The following SLC2A9 variants were observed in gnomAD, a reference collection of about 807,000 sequenced individuals.
The protein encoded by SLC2A9 is solute carrier family 2, facilitated glucose transporter member 9.
SLC2A9 carries 39 observed loss-of-function variants against 50.6 expected under a neutral mutation model. The ratio of observed to expected loss-of-function variants is 0.77; its 90% CI spans 0.60 to 1.01. The LOEUF is 1.01. Ranked by LOEUF, SLC2A9 falls within the 50% of genes least tolerant of loss-of-function variation. The pLI, the probability that SLC2A9 is intolerant of heterozygous loss-of-function variation, is 0.00. For missense variants in SLC2A9, 686 were observed against 677.6 expected, an observed-to-expected ratio of 1.01 and a Z score of -0.14; for synonymous variants, 324 against 276.9, an observed-to-expected ratio of 1.17 and a Z score of -1.69.
At chr4:10,036,016 AG>A in intron 1 of SLC2A9, 1 of 205,468 alleles carries the variant, frequency 4.9e-6, no homozygotes, top group Non-Finnish European at 9.3e-6. Flanking sequence ...CCAGAATCCC[AG>A]GGTCTCCAGC....
chr4:9,842,185 G>A (rs1031099869), intron 10 of SLC2A9, among the ~76,000 whole-genome samples: 1 of 152,046 alleles, frequency 6.6e-6, no homozygotes, highest in African/African-American at 2.4e-5. Context: ...CAGGAGGAAG[G>A]TTCTGTAACA....
intron 2 of SLC2A9, among the ~76,000 whole-genome samples, chr4:10,016,058 T>C (rs750222022): frequency 6.6e-6 from 1 of 152,164 alleles, no homozygotes; most frequent in Non-Finnish European, 1.5e-5. Flanking sequence ...TCTGGGCTCC[T>C]CTAAAGTATG....
At chr4:10,005,540 G>C (rs1158130994) in intron 2 of SLC2A9, among the ~76,000 whole-genome samples, 1 of 152,244 alleles carries the variant, frequency 6.6e-6, no homozygotes, top group Admixed American at 6.5e-5. Flanking sequence ...GATTAGACTA[G>C]AGGATGCTAG....
At chr4:9,919,999 T>C (rs1414803378) in intron 7 of SLC2A9, among the ~76,000 whole-genome samples, 2 of 151,972 alleles carry the variant, frequency 1.3e-5, no homozygotes, top group Admixed American at 6.6e-5. Context: ...AAGTTGTGAG[T>C]TGAAGACAGC....
At chr4:10,009,043 A>G (rs1233108908) in intron 2 of SLC2A9, among the ~76,000 whole-genome samples, 1 of 152,132 alleles carries the variant, frequency 6.6e-6, no homozygotes, top group Non-Finnish European at 1.5e-5. Context: ...TTTCATAGAC[A>G]TAATTGCCCG....
At chr4:9,853,768 C>CA (rs1488029109) in intron 10 of SLC2A9, among the ~76,000 whole-genome samples, 2 of 152,002 alleles carry the variant, frequency 1.3e-5, no homozygotes, top group African/African-American at 2.4e-5. Context: ...AGCAAATTGA[C>CA]AAAAAAATAA....
At chr4:9,838,014 T>A (rs551782503) in intron 10 of SLC2A9, among the ~76,000 whole-genome samples, 1 of 152,358 alleles carries the variant, frequency 6.6e-6, no homozygotes, top group East Asian at 1.9e-4. Flanking sequence ...TGGGGATATT[T>A]GTGAGCATGA....
At chr4:9,962,471 A>G (rs1194052601) in intron 5 of SLC2A9, among the ~76,000 whole-genome samples, 3 of 152,218 alleles carry the variant, frequency 2.0e-5, no homozygotes, top group Non-Finnish European at 4.4e-5. Context: ...ACAGAAACAG[A>G]AAACCAAACA....
intron 5 of SLC2A9, among the ~76,000 whole-genome samples, chr4:9,947,026 G>A (rs181559627): frequency 6.6e-6 from 1 of 152,314 alleles, no homozygotes; most frequent in East Asian, 1.9e-4. Flanking sequence ...GCAGTGGAAA[G>A]AGCTGGGGTG....
intron 2 of SLC2A9, among the ~76,000 whole-genome samples, chr4:10,008,434 T>C (rs1761173977): frequency 6.6e-6 from 1 of 152,102 alleles, no homozygotes; most frequent in Non-Finnish European, 1.5e-5. Flanking sequence ...CAGATCCCAA[T>C]TTAAACAATG....
intron 10 of SLC2A9, among the ~76,000 whole-genome samples, chr4:9,868,779 T>C (rs1403108707): frequency 6.6e-6 from 1 of 152,202 alleles, no homozygotes; most frequent in African/African-American, 2.4e-5. Context: ...GCTGAAGATT[T>C]TGGAACATAA....
At chr4:9,805,618 T>C (rs1485205062) in intron 3 of SLC2A9, among the ~76,000 whole-genome samples, 1 of 151,662 alleles carries the variant, frequency 6.6e-6, no homozygotes, top group Non-Finnish European at 1.5e-5. Context: ...CAAGACTCGC[T>C]TGAACCTGGA....
chr4:9,915,524 C>T (rs1246896788), intron 7 of SLC2A9, among the ~76,000 whole-genome samples: 2 of 152,242 alleles, frequency 1.3e-5, no homozygotes, highest in Non-Finnish European at 2.9e-5. Flanking sequence ...GTGTGAGCCA[C>T]CATGCCCAGC....
intron 5 of SLC2A9, among the ~76,000 whole-genome samples, chr4:9,943,761 C>A (rs922533042): frequency 6.6e-6 from 1 of 152,152 alleles, no homozygotes; most frequent in Non-Finnish European, 1.5e-5. Flanking sequence ...ATTTTATTTT[C>A]TCTCGGGGTT....
intron 6 of SLC2A9, among the ~76,000 whole-genome samples, chr4:9,926,711 T>A (rs1300758451): frequency 6.6e-6 from 1 of 152,108 alleles, no homozygotes; most frequent in Non-Finnish European, 1.5e-5. Flanking sequence ...TAGCTGTGAA[T>A]GTGAACTTAC....
chr4:9,908,737 G>A (rs933042710), intron 7 of SLC2A9, among the ~76,000 whole-genome samples: 10 of 152,010 alleles, frequency 6.6e-5, no homozygotes, highest in East Asian at 1.9e-4. Flanking sequence ...GGTGTGTGAT[G>A]TTCTCCTGCA....
intron 3 of SLC2A9, among the ~76,000 whole-genome samples, chr4:9,805,315 C>T (rs757213309): frequency 2.0e-5 from 3 of 152,232 alleles, no homozygotes; most frequent in Non-Finnish European, 2.9e-5. Flanking sequence ...TGAGCTGGAT[C>T]GAAAAGCCTC....
chr4:9,891,912 A>G (rs1005265204), intron 8 of SLC2A9, among the ~76,000 whole-genome samples: 1 of 152,202 alleles, frequency 6.6e-6, no homozygotes, highest in Non-Finnish European at 1.5e-5. Flanking sequence ...CAGAGCACAC[A>G]TGGCTCCTGC....
intron 5 of SLC2A9, among the ~76,000 whole-genome samples, chr4:9,968,663 C>G (rs1446035797): frequency 6.6e-6 from 1 of 152,120 alleles, no homozygotes; most frequent in Non-Finnish European, 1.5e-5. Flanking sequence ...ACAGTCATAG[C>G]CTTGGATATA....
Sources: gnomAD v4.1 joint callset for allele counts (sites outside exome capture counted in the v4.1 genomes callset) on GRCh38, gnomAD v4.1.1 for gene constraint, MANE v1.5 for transcripts, NCBI Gene and HGNC (gene_info 2026-07-23, HGNC 2026-07-21) for gene names.